ERCC8: variants seen among roughly 807,000 people sequenced by gnomAD.
The protein encoded by ERCC8 is ERCC excision repair 8, CSA ubiquitin ligase complex subunit.
In ERCC8, 52 loss-of-function variants were observed where a neutral mutation model predicts 54.9. That is an observed-to-expected ratio of 0.95 (90% confidence interval 0.76 to 1.19). ERCC8 has a LOEUF of 1.19. Ranked by LOEUF, ERCC8 falls within the 50% of genes most tolerant of loss-of-function variation. ERCC8 has a pLI of 0.00. For missense variants in ERCC8, 514 were observed against 466.1 expected, an observed-to-expected ratio of 1.10 and a Z score of -0.95; for synonymous variants, 146 against 157.2, an observed-to-expected ratio of 0.93 and a Z score of 0.53.
intron 1 of ERCC8, among the ~76,000 whole-genome samples, chr5:60,938,423 G>A (rs981478156): frequency 2.8e-5 from 4 of 145,026 alleles, no homozygotes; most frequent in African/African-American, 5.1e-5. Context: ...ACACTATGTC[G>A]GCTCACTGCA....
chr5:60,911,364 T>C (rs1028259086), intron 4 of ERCC8, among the ~76,000 whole-genome samples: 4 of 152,182 alleles, frequency 2.6e-5, no homozygotes, highest in African/African-American at 9.7e-5. Flanking sequence ...CGAGATTTTT[T>C]CATGTGTCTG....
In ERCC8 at chr5:60,871,855, T is replaced by C. The variant is rs1221600724; in HGVS notation, c.*2760A>G. ...TCGCCATGTCACCCAGGCTGGAGTG[T>C]AGTGACACGATCTTGGCTCAATGCA... On this transcript the variant is annotated 3_prime_UTR_variant, in exon 12 of 12. Coordinates refer to ENST00000676185, the MANE Select transcript of ERCC8 (RefSeq NM_000082.4). 1.3e-5 allele frequency among the ~76,000 whole-genome samples: 2 copies of C among 152,250 alleles called. No homozygotes were observed. Among genetic ancestry groups the C allele is most frequent in the South Asian group, 4.1e-4 (2 of 4,820 alleles).
Position 60,872,237 on chromosome 5 carries a change from G to C in ERCC8, c.*2378C>G, listed in dbSNP as rs984412927. Reference sequence around the variant, plus strand: ...CATGGAGAAAATGCTCCATGACATTGGTCTGGGCAATGATTTTTTTGGATA... The same window carrying C: ...CATGGAGAAAATGCTCCATGACATTCGTCTGGGCAATGATTTTTTTGGATA... On this transcript the variant is annotated 3_prime_UTR_variant, in exon 12 of 12. Coordinates refer to ENST00000676185, the MANE Select transcript of ERCC8 (RefSeq NM_000082.4). Among the ~76,000 whole-genome samples, 2 of 152,088 alleles carry C rather than the reference G, an allele frequency of 1.3e-5. No homozygotes were observed. Among genetic ancestry groups the C allele is most frequent in the Admixed American group, 6.6e-5 (1 of 15,258 alleles).
chr5:60,927,729 A>G (rs529597588), intron 2 of ERCC8, among the ~76,000 whole-genome samples: 1 of 152,288 alleles, frequency 6.6e-6, no homozygotes, highest in South Asian at 2.1e-4. Flanking sequence ...TGCATGTTTC[A>G]TAAGTGAGTG....
At chr5:60,922,627 A>G (rs1749632062) in intron 2 of ERCC8, among the ~76,000 whole-genome samples, 1 of 152,118 alleles carries the variant, frequency 6.6e-6, no homozygotes, top group African/African-American at 2.4e-5. Flanking sequence ...CAGTGTTGAT[A>G]ATAAAAGTGC....
At position 60,866,944 on chromosome 5, in the gene ERCC8, ACGCCATTCT is replaced by A. The variant is rs1747762224; in HGVS notation, c.*7662_*7670del. On this transcript the variant is annotated 3_prime_UTR_variant, in exon 12 of 12. Transcript: ENST00000676185. Reference sequence around the variant, plus strand: ...ACTGCAAGCGCTGCCTCCGGGGTTCACGCCATTCTCCTGCCTCAGCCTCCCAAATAGCTG... The same window carrying A: ...ACTGCAAGCGCTGCCTCCGGGGTTCACCTGCCTCAGCCTCCCAAATAGCTG... 1 of 151,930 alleles carries A rather than the reference ACGCCATTCT, an allele frequency of 6.6e-6. No homozygotes were observed. Among genetic ancestry groups the A allele is most frequent in the Admixed American group, 6.6e-5 (1 of 15,260 alleles). 9.4% of individuals were successfully genotyped at this position (151,930 alleles called of 1,614,324 possible). A position where few individuals can be genotyped will look rare whatever the true frequency, so the allele number is the denominator to read the frequency against.
rs940401298 is a variant in ERCC8 at position 60,873,262 on chromosome 5, T to A, written c.*1353A>T. Among the ~76,000 whole-genome samples, 44 of 152,308 alleles carry A rather than the reference T, an allele frequency of 2.9e-4. No homozygotes were observed. Among genetic ancestry groups the A allele is most frequent in the African/African-American group, 1.0e-3 (43 of 41,562 alleles). ...ATGCTTCAAAACAGTATGTTGTACA[T>A]GGTAAATACATACAATTTTATCTGC... is the stretch of plus-strand genomic sequence containing the variant. On this transcript the variant is annotated 3_prime_UTR_variant, in exon 12 of 12. Transcript: ENST00000676185.
At chr5:60,894,744 G>T (rs1196750948) in intron 9 of ERCC8, among the ~76,000 whole-genome samples, 1 of 152,130 alleles carries the variant, frequency 6.6e-6, no homozygotes, top group Non-Finnish European at 1.5e-5. Flanking sequence ...GGCTAAATAA[G>T]TTGATGGGTT....
Position 60,878,507 on chromosome 5 carries a change from T to C in ERCC8, c.1123-3824A>G, listed in dbSNP as rs536501076. 7.2e-3 allele frequency among the ~76,000 whole-genome samples: 1,098 copies of C among 152,222 alleles called. 10 individuals carry two copies. The highest frequency in any genetic ancestry group is 0.025 in the African/African-American group (1,051 of 41,534). ...CTGTCAATCCATCTGGTCCTGGACT[T>C]TTTTTGGTTGGTAAGCTATCAATGA... On this transcript the variant is annotated intron_variant, in intron 11 of 11. Transcript: ENST00000676185.
rs187635667 is a variant in ERCC8 at position 60,905,014 on chromosome 5, C to A, written c.400-141G>T. 5.0e-4 allele frequency: 235 copies of A among 467,106 alleles called. 1 individual carries two copies. The highest frequency in any genetic ancestry group is 4.4e-3 in the African/African-American group (221 of 50,070). The allele number at this position is 467,106 out of a possible 1,614,324, so 28.9% of individuals were successfully genotyped here. A position where few individuals can be genotyped will look rare whatever the true frequency, so the allele number is the denominator to read the frequency against. ...TCAACTTAAACATAGGAATGTAATA[C>A]CCCAAAAAACCTTGATAATTTGAAA... On this transcript the variant is annotated intron_variant, in intron 4 of 11. Coordinates refer to ENST00000676185, the MANE Select transcript of ERCC8 (RefSeq NM_000082.4).
At chr5:60,936,670 T>G (rs1750075829) in intron 1 of ERCC8, among the ~76,000 whole-genome samples, 1 of 152,206 alleles carries the variant, frequency 6.6e-6, no homozygotes, top group Non-Finnish European at 1.5e-5. Context: ...ATATGAACTT[T>G]CATCTTAGCA....
intron 4 of ERCC8, among the ~76,000 whole-genome samples, chr5:60,912,165 C>A (rs1473130108): frequency 1.3e-5 from 2 of 152,136 alleles, no homozygotes; most frequent in African/African-American, 2.4e-5. Context: ...GGTATTCAAT[C>A]TATAAATTAC....
intron 6 of ERCC8, 89 bp from the exon 7 acceptor site, chr5:60,902,597 G>A (rs1748935197): frequency 3.0e-6 from 3 of 992,096 alleles, no homozygotes; most frequent in Admixed American, 1.7e-5. Flanking sequence ...TCTGAAGAAA[G>A]TGAGGCCAAA....
chr5:60,878,602 G>T (rs1748095121), intron 11 of ERCC8, among the ~76,000 whole-genome samples: 1 of 152,186 alleles, frequency 6.6e-6, no homozygotes, highest in South Asian at 2.1e-4. Context: ...AGTCTTGGGA[G>T]GGTGTATGTG....
chr5:60,939,566 T>C (rs1750196257), intron 1 of ERCC8, among the ~76,000 whole-genome samples: 1 of 152,024 alleles, frequency 6.6e-6, no homozygotes, highest in African/African-American at 2.4e-5. Context: ...ACAGTCTCAG[T>C]TCACTGCAAC....
chr5:60,921,866 T>C (rs1191282375), intron 3 of ERCC8, among the ~76,000 whole-genome samples, 188 bp downstream of exon 3: 1 of 151,956 alleles, frequency 6.6e-6, no homozygotes, highest in Non-Finnish European at 1.5e-5. Context: ...GGAAGACACA[T>C]GTTAAAAAAC....
Position 60,893,520 on chromosome 5 carries a change from T to A in ERCC8, c.844-2434A>T, listed in dbSNP as rs1291627593. 3 of 789,874 alleles carry A rather than the reference T, an allele frequency of 3.8e-6. No homozygotes were observed. The East Asian group carries it at 7.3e-5, about 19-fold the overall frequency. 48.9% of individuals were successfully genotyped at this position (789,874 alleles called of 1,614,324 possible). Reference sequence around the variant, plus strand: ...TTCTTCCCATTTTGTTTTGCAGGCTTCTTACAGCCCTTGGAAACTTTACCT... The same window carrying A: ...TTCTTCCCATTTTGTTTTGCAGGCTACTTACAGCCCTTGGAAACTTTACCT... On this transcript the variant is annotated intron_variant, in intron 9 of 11. Transcript: ENST00000676185.
chr5:60,927,307 A>T (rs1000818997), intron 2 of ERCC8, among the ~76,000 whole-genome samples: 4 of 152,242 alleles, frequency 2.6e-5, no homozygotes, highest in Non-Finnish European at 5.9e-5. Flanking sequence ...CAAGTTATAT[A>T]CACATCGATT....
intron 1 of ERCC8, among the ~76,000 whole-genome samples, chr5:60,931,232 A>G (rs572039790): frequency 1.3e-5 from 2 of 152,176 alleles, no homozygotes; most frequent in Non-Finnish European, 2.9e-5. Context: ...TATAAGATTA[A>G]TAGAAGAGTA....
Sources: gnomAD v4.1 joint callset for allele counts (sites outside exome capture counted in the v4.1 genomes callset) on GRCh38, gnomAD v4.1.1 for gene constraint, MANE v1.5 for transcripts, NCBI Gene and HGNC (gene_info 2026-07-23, HGNC 2026-07-21) for gene names.